COLQ: variants seen among roughly 807,000 people sequenced by gnomAD.
COLQ encodes collagen like tail subunit of asymmetric acetylcholinesterase, also known as acetylcholinesterase collagenic tail peptide.
In COLQ, 48 loss-of-function variants were observed where a neutral mutation model predicts 69.0. The ratio of observed to expected loss-of-function variants is 0.70; its 90% confidence interval spans 0.55 to 0.88. COLQ has a LOEUF of 0.88. COLQ is among the 40% of genes least tolerant of loss of function. The probability of loss-of-function intolerance (pLI) is 0.00; values close to 1 mark genes in which losing one functional copy is unlikely to be tolerated. For missense variants in COLQ, 618 were observed against 594.6 expected (o/e 1.04, Z -0.41); for synonymous variants, 217 against 211.2 (o/e 1.03, Z -0.24).
At chr3:15,453,777 G>T in intron 16 of COLQ, 52 bp downstream of exon 16, 1 of 1,192,218 alleles carries the variant, frequency 8.4e-7, no homozygotes, top group Non-Finnish European at 1.2e-6. Context: ...GGAAAGCAAA[G>T]AGGAGGGAGG....
At chr3:15,505,768 G>T (rs930902436) in intron 1 of COLQ, among the ~76,000 whole-genome samples, 3 of 152,194 alleles carry the variant, frequency 2.0e-5, no homozygotes, top group African/African-American at 7.2e-5. Context: ...GGGCCCAAAG[G>T]GTGGGTTATT....
chr3:15,462,781 G>A (rs1221920772), intron 12 of COLQ, among the ~76,000 whole-genome samples: 1 of 152,334 alleles, frequency 6.6e-6, no homozygotes, highest in African/African-American at 2.4e-5. Flanking sequence ...GCCAAGGAAG[G>A]CCTTACTGAA....
rs116498704 is a variant in COLQ at position 15,519,985 on chromosome 3, G to A, written c.106+1535C>T. ...GAGAGACACATGCCCTGGCCACATG[G>A]TGCTTATAGTGTAAGGCCACTGTCT... On this transcript the variant is annotated intron_variant, in intron 1 of 16. Coordinates refer to ENST00000383788, the MANE Select transcript of COLQ (RefSeq NM_005677.4). 7.8e-3 allele frequency among the ~76,000 whole-genome samples: 1,183 copies of A among 152,328 alleles called. 14 individuals are homozygous for A. The highest frequency in any genetic ancestry group is 0.027 in the African/African-American group (1,113 of 41,572).
Position 15,470,652 on chromosome 3 carries a change from G to A in COLQ, c.637-36C>T, listed in dbSNP as rs13100257. 3.8e-6 allele frequency: 6 copies of A among 1,599,906 alleles called. No individual in the cohort carries two copies. The East Asian group carries it at 1.3e-4, about 36-fold the overall frequency. On this transcript the variant is annotated intron_variant, in intron 10 of 16. Coordinates refer to ENST00000383788, the MANE Select transcript of COLQ (RefSeq NM_005677.4). ...GGAAAGAGAAGCAAGAGAGGACTTA[G>A]GGCATGTGGAGTGGGCACATCTACA...
chr3:15,475,592 G>T, intron 6 of COLQ, 105 bp from the exon 7 acceptor site: 1 of 1,154,410 alleles, frequency 8.7e-7, no homozygotes, highest in Non-Finnish European at 1.3e-6. Flanking sequence ...ATCAGGGCTG[G>T]CTTGTAAATC....
chr3:15,485,274 G>T (rs1377447215), intron 3 of COLQ, among the ~76,000 whole-genome samples: 1 of 152,164 alleles, frequency 6.6e-6, no homozygotes, highest in Non-Finnish European at 1.5e-5. Flanking sequence ...CATCTCAGAG[G>T]GGCACCCAGC....
rs538170016 is a variant in COLQ, at chr3:15,521,234, C to T, written c.106+286G>A. On this transcript the variant is annotated intron_variant, in intron 1 of 16. Coordinates refer to ENST00000383788, the MANE Select transcript of COLQ (RefSeq NM_005677.4). ...CTTTTAAGCTCTCCCAAATTCCTGA[C>T]CAAGATGAAATCATGCAGCAAATGG... 3.9e-5 allele frequency among the ~76,000 whole-genome samples: 6 copies of T among 152,284 alleles called. No homozygotes were observed. The South Asian group carries it at 1.2e-3, about 32-fold the overall frequency.
intron 5 of COLQ, chr3:15,477,684 T>C (rs1033037837): frequency 6.0e-6 from 1 of 167,274 alleles, no homozygotes; most frequent in African/African-American, 2.4e-5. Context: ...CTTGAGCAAT[T>C]GGAGCTGCCC....
At chr3:15,461,682 T>C (rs1454389355) in intron 12 of COLQ, among the ~76,000 whole-genome samples, 1 of 152,154 alleles carries the variant, frequency 6.6e-6, no homozygotes, top group Admixed American at 6.5e-5. Context: ...CCCCAGTCAC[T>C]GCTGTGACCT....
rs575957477 is a variant in COLQ at position 15,503,310 on chromosome 3, GC to G, written c.107-13674del. Among the ~76,000 whole-genome samples the G allele has an allele frequency of 1.7e-4, 26 of 152,324 alleles. No individual in the cohort carries two copies. In the East Asian group the frequency reaches 5.0e-3, roughly 29 times the overall value. On this transcript the variant is annotated intron_variant, in intron 1 of 16. Transcript: ENST00000383788. Reference sequence around the variant, plus strand: ...CTCCCTCTTCCATAGGCCAGAGTGAGCCCTGTGAAGTAGCTGCATTTCCCAG... The same window carrying G: ...CTCCCTCTTCCATAGGCCAGAGTGAGCCTGTGAAGTAGCTGCATTTCCCAG...
intron 1 of COLQ, chr3:15,499,015 A>ATG: frequency 5.1e-6 from 5 of 989,784 alleles, no homozygotes; most frequent in Non-Finnish European, 3.6e-6. Flanking sequence ...TAAGCCTCAA[A>ATG]GTCAACCCCC....
chr3:15,460,931 G>GT (rs2062102653), intron 12 of COLQ, among the ~76,000 whole-genome samples: 1 of 152,154 alleles, frequency 6.6e-6, no homozygotes, highest in Non-Finnish European at 1.5e-5. Flanking sequence ...AACTCCTCCA[G>GT]AACCATGGCC....
chr3:15,477,230 TG>T (rs777950078), intron 5 of COLQ, 33 bp from the exon 6 acceptor site: 42 of 1,568,292 alleles, frequency 2.7e-5, no homozygotes, highest in Non-Finnish European at 3.6e-5. Context: ...TCAGGGCAAC[TG>T]GGTTTGTTTC....
chr3:15,509,134 C>A (rs2062950120), intron 1 of COLQ, among the ~76,000 whole-genome samples: 1 of 152,200 alleles, frequency 6.6e-6, no homozygotes, highest in Admixed American at 6.5e-5. Flanking sequence ...GAATATTGGG[C>A]ATCTATGTCA....
In COLQ at chr3:15,488,187, T is replaced by A; in HGVS notation, c.321+19A>T. The A allele has an allele frequency of 1.9e-6, 3 of 1,579,126 alleles. No individual in the cohort carries two copies. Among genetic ancestry groups the A allele is most frequent in the Non-Finnish European group, 2.6e-6 (3 of 1,151,708 alleles). On this transcript the variant is annotated intron_variant, in intron 3 of 16. Coordinates refer to ENST00000383788, the MANE Select transcript of COLQ (RefSeq NM_005677.4). ...TCTAAACAGAAGACAGCGAGAGGGGTCCGGTAGAGTGCACCAACCTGGGGG... is the reference window on the plus strand; with the variant it reads ...TCTAAACAGAAGACAGCGAGAGGGGACCGGTAGAGTGCACCAACCTGGGGG...
At chr3:15,485,618 A>G (rs1466337430) in intron 3 of COLQ, among the ~76,000 whole-genome samples, 4 of 152,092 alleles carry the variant, frequency 2.6e-5, no homozygotes, top group African/African-American at 9.7e-5. Flanking sequence ...TTCTCTGGAG[A>G]TGTTTGAAAA....
intron 5 of COLQ, 191 bp from the exon 6 acceptor site, chr3:15,477,388 C>A (rs943624755): frequency 3.4e-6 from 2 of 592,502 alleles, no homozygotes; most frequent in Admixed American, 3.0e-5. Flanking sequence ...CAAATAAGAC[C>A]TTATTCTTCT....
chr3:15,498,214 C>G (rs1359474658), intron 1 of COLQ, among the ~76,000 whole-genome samples: 3 of 152,132 alleles, frequency 2.0e-5, no homozygotes, highest in Non-Finnish European at 4.4e-5. Flanking sequence ...TTGTGTCAGT[C>G]AAGGTCACAA....
At chr3:15,475,037 G>C in intron 7 of COLQ, 86 bp from the exon 8 acceptor site, 2 of 1,434,932 alleles carry the variant, frequency 1.4e-6, no homozygotes, top group Non-Finnish European at 2.0e-6. Context: ...CCTGAATGTG[G>C]TGGTAAGGTA....
Sources: allele counts gnomAD v4.1 joint callset (sites outside exome capture counted in the v4.1 genomes callset), GRCh38; gene constraint gnomAD v4.1.1; transcripts MANE v1.5; gene names NCBI Gene and HGNC (gene_info 2026-07-23, HGNC 2026-07-21).